Variants in DSCAM observed in about 807,000 individuals in gnomAD.
DSCAM encodes the protein cell adhesion molecule DSCAM.
DSCAM carries 47 observed loss-of-function variants against 217.7 expected under a neutral mutation model. That is an observed-to-expected ratio of 0.22 (90% CI 0.17 to 0.28). The LOEUF (loss-of-function observed/expected upper bound fraction) is 0.28, where lower values mean the gene tolerates loss of function less well. Ranked by LOEUF, DSCAM falls within the 10% of genes least tolerant of loss-of-function variation. DSCAM has a pLI of 1.00. For synonymous variants in DSCAM, 1,056 were observed against 1,015.3 expected (o/e 1.04, Z -0.76); for missense variants, 2,080 against 2,618.3 (o/e 0.79, Z 4.49).
Position 40,616,874 on chromosome 21 carries a change from G to A in DSCAM, c.508+75936C>T, listed in dbSNP as rs1402944601. Among the ~76,000 whole-genome samples the A allele has an allele frequency of 6.6e-5, 10 of 151,508 alleles. No individual in the cohort carries two copies. The East Asian group carries it at 1.2e-3, about 18-fold the overall frequency. ...CTACTAAAAATACAAAAAATTAGCC[G>A]GGCGTAGTGGCGGGCGCCTGTAGTC... On this transcript the variant is annotated intron_variant, in intron 3 of 32. Transcript: ENST00000400454.
At chr21:40,310,838 C>T (rs1293561671) in intron 9 of DSCAM, among the ~76,000 whole-genome samples, 2 of 152,094 alleles carry the variant, frequency 1.3e-5, no homozygotes, top group Non-Finnish European at 2.9e-5. Context: ...ATCAAGTATC[C>T]CAATTCTTCC....
chr21:40,618,068 G>C (rs1408393642), intron 3 of DSCAM, among the ~76,000 whole-genome samples: 1 of 152,102 alleles, frequency 6.6e-6, no homozygotes, highest in Admixed American at 6.5e-5. Context: ...TGACATTCTG[G>C]CTCCTGAATT....
chr21:40,184,406 G>A lies in DSCAM; in HGVS notation c.2779+2725C>T, dbSNP rs564257322. 7.9e-5 allele frequency among the ~76,000 whole-genome samples: 12 copies of A among 152,258 alleles called. 1 individual carries two copies. The highest frequency in any genetic ancestry group is 2.4e-4 in the African/African-American group (10 of 41,544). On this transcript the variant is annotated intron_variant, in intron 14 of 32. Coordinates refer to ENST00000400454, the MANE Select transcript of DSCAM (RefSeq NM_001389.5). ...CTGTAGGGTCCTGGTAGAGACCTTG[G>A]TCATGGACTTGGATCTGCTTGTCCT...
At position 40,342,648 on chromosome 21, in the gene DSCAM, A is replaced by ATATATATATT. The variant is rs61637421; in HGVS notation, c.1211-3234_1211-3233insAATATATATA. ...TGTGTATATATATATATATATATAT[A>ATATATATATT]TTTTTTTTTTTTTTTTGAGACAGTG... On this transcript the variant is annotated intron_variant, in intron 6 of 32. Transcript: ENST00000400454. Among the ~76,000 whole-genome samples, 364 of 80,274 alleles carry ATATATATATT rather than the reference A, an allele frequency of 4.5e-3. 1 individual carries two copies. Among genetic ancestry groups the ATATATATATT allele is most frequent in the Non-Finnish European group, 6.7e-3 (299 of 44,780 alleles). 52.7% of individuals were successfully genotyped at this position (80,274 alleles called of 152,430 possible). A position where few individuals can be genotyped will look rare whatever the true frequency, so the allele number is the denominator to read the frequency against.
intron 20 of DSCAM, among the ~76,000 whole-genome samples, chr21:40,119,562 A>G (rs1012209714): frequency 4.6e-5 from 7 of 152,182 alleles, no homozygotes; most frequent in African/African-American, 1.7e-4. Flanking sequence ...AGATTCAATG[A>G]TCCACAGAGA....
chr21:40,624,446 G>A (rs2146305752), intron 3 of DSCAM, among the ~76,000 whole-genome samples: 1 of 152,284 alleles, frequency 6.6e-6, no homozygotes. Flanking sequence ...GACTTTCCAT[G>A]TTTTGGCCAG....
intron 3 of DSCAM, among the ~76,000 whole-genome samples, chr21:40,673,633 G>C (rs11911244): frequency 0.028 from 4,226 of 152,244 alleles, 171 homozygotes; most frequent in African/African-American, 0.088. Flanking sequence ...TGGGGCCTGG[G>C]GAGGTGATTA....
intron 3 of DSCAM, among the ~76,000 whole-genome samples, chr21:40,559,030 T>C (rs1413939312): frequency 6.6e-6 from 1 of 152,244 alleles, no homozygotes; most frequent in East Asian, 1.9e-4. Context: ...CTTTATTTTT[T>C]AAGGTTTACC....
intron 3 of DSCAM, among the ~76,000 whole-genome samples, chr21:40,452,834 T>C (rs1438270995): frequency 2.6e-5 from 4 of 152,196 alleles, no homozygotes; most frequent in African/African-American, 9.6e-5. Flanking sequence ...TGTTATATTC[T>C]ATACAGGAAA....
chr21:40,536,748 T>C (rs574331709), intron 3 of DSCAM, among the ~76,000 whole-genome samples: 1 of 152,326 alleles, frequency 6.6e-6, no homozygotes, highest in African/African-American at 2.4e-5. Context: ...TTTGGTCTTA[T>C]TAATTTTTGT....
At chr21:40,234,265 G>A (rs1004669815) in intron 11 of DSCAM, among the ~76,000 whole-genome samples, 14 of 152,274 alleles carry the variant, frequency 9.2e-5, no homozygotes, top group African/African-American at 2.2e-4. Flanking sequence ...TCTACATAGC[G>A]CAGAAGTCAA....
intron 8 of DSCAM, among the ~76,000 whole-genome samples, chr21:40,332,695 C>A (rs980058306): frequency 6.6e-6 from 1 of 152,042 alleles, no homozygotes; most frequent in African/African-American, 2.4e-5. Flanking sequence ...TTTACTTCTG[C>A]CTATATGTTT....
intron 3 of DSCAM, among the ~76,000 whole-genome samples, chr21:40,429,046 G>A (rs1199396184): frequency 1.3e-5 from 2 of 152,108 alleles, no homozygotes; most frequent in Non-Finnish European, 2.9e-5. Flanking sequence ...CTAGGCAAGG[G>A]AGATGAACTG....
At chr21:40,307,504 C>A (rs1390123892) in intron 9 of DSCAM, among the ~76,000 whole-genome samples, 1 of 152,142 alleles carries the variant, frequency 6.6e-6, no homozygotes, top group African/African-American at 2.4e-5. Flanking sequence ...ACTAGTTCTA[C>A]CATTGTGAAA....
intron 3 of DSCAM, among the ~76,000 whole-genome samples, chr21:40,467,555 G>A (rs2837643): frequency 0.073 from 11,153 of 152,032 alleles, 801 homozygotes; most frequent in African/African-American, 0.18. Flanking sequence ...AAAAAATAAC[G>A]CTTAATGTCA....
At chr21:40,199,369 A>T (rs57268562) in intron 11 of DSCAM, among the ~76,000 whole-genome samples, 7,757 of 152,200 alleles carry the variant, frequency 0.051, 446 homozygotes, top group African/African-American at 0.14. Context: ...TCATGTATAC[A>T]TGCCACATTT....
rs557516703 is a variant in DSCAM, at chr21:40,764,198, G to A, written c.44-55427C>T. On this transcript the variant is annotated intron_variant, in intron 1 of 32. Transcript: ENST00000400454. ...GAAATTTTTTGCAATCTACCCATCC[G>A]ACAAAGGGCTAATATCCAGGATCTA... Among the ~76,000 whole-genome samples, 19 of 151,698 alleles carry A rather than the reference G, an allele frequency of 1.3e-4. No individual in the cohort carries two copies. The South Asian group carries it at 2.7e-3, about 22-fold the overall frequency.
At chr21:40,752,755 G>A (rs1438825618) in intron 1 of DSCAM, among the ~76,000 whole-genome samples, 1 of 152,056 alleles carries the variant, frequency 6.6e-6, no homozygotes, top group Admixed American at 6.5e-5. Flanking sequence ...AGGAAGCCCT[G>A]AAAATAAGCT....
intron 19 of DSCAM, among the ~76,000 whole-genome samples, chr21:40,130,425 AG>A (rs2090142870): frequency 1.3e-5 from 2 of 152,326 alleles, no homozygotes; most frequent in South Asian, 4.1e-4. Flanking sequence ...TGTGAGCAGT[AG>A]TCACAGACCC....
Sources: gnomAD v4.1 joint callset for allele counts (sites outside exome capture counted in the v4.1 genomes callset) on GRCh38, gnomAD v4.1.1 for gene constraint, MANE v1.5 for transcripts, NCBI Gene and HGNC (gene_info 2026-07-23, HGNC 2026-07-21) for gene names.